The following FRMPD2 variants were observed in gnomAD, a reference collection of about 807,000 sequenced individuals.
FRMPD2 encodes the protein FERM and PDZ domain containing 2, also known as FERM and PDZ domain-containing protein 2.
FRMPD2 carries 96 observed loss-of-function variants against 140.1 expected under a neutral mutation model. The ratio of observed to expected loss-of-function variants is 0.69; its 90% CI spans 0.58 to 0.81. The LOEUF is 0.81. Among genes scored for constraint, FRMPD2 ranks in the 40% least tolerant of loss-of-function variants. FRMPD2 has a pLI of 0.00. For synonymous variants in FRMPD2, 449 were observed against 547.6 expected (o/e 0.82, Z 2.52); for missense variants, 1,240 against 1,447.4 (o/e 0.86, Z 2.32).
chr10:48,231,572 T>C (rs1474110563), intron 10 of FRMPD2, among the ~76,000 whole-genome samples: 1 of 152,202 alleles, frequency 6.6e-6, no homozygotes, highest in African/African-American at 2.4e-5. Flanking sequence ...GCATCTATAG[T>C]TCACTATGGC....
At position 48,164,362 on chromosome 10, in the gene FRMPD2, C is replaced by T. The variant is rs1479373703; in HGVS notation, c.3538-691G>A. ...TCTTTTGAGCCAGTTTTAACATCTGCCTGGTTCCCTCACTGAATGAGTTAA... is the reference window on the plus strand; with the variant it reads ...TCTTTTGAGCCAGTTTTAACATCTGTCTGGTTCCCTCACTGAATGAGTTAA... On this transcript the variant is annotated intron_variant, in intron 27 of 28. Coordinates refer to ENST00000374201, the MANE Select transcript of FRMPD2 (RefSeq NM_001018071.4). Among the ~76,000 whole-genome samples, 19 of 151,330 alleles carry T rather than the reference C, an allele frequency of 1.3e-4. No individual in the cohort carries two copies. The South Asian group carries it at 3.9e-3, about 31-fold the overall frequency.
chr10:48,253,246 T>A (rs1840427290), intron 1 of FRMPD2, among the ~76,000 whole-genome samples: 1 of 152,236 alleles, frequency 6.6e-6, no homozygotes, highest in African/African-American at 2.4e-5. Context: ...TCTGGATCCA[T>A]CATGGAAAAA....
At chr10:48,211,701 A>G (rs1423864578) in intron 13 of FRMPD2, among the ~76,000 whole-genome samples, 1 of 152,080 alleles carries the variant, frequency 6.6e-6, no homozygotes, top group Non-Finnish European at 1.5e-5. Context: ...ATAAATAAAT[A>G]AAATAAAAAA....
chr10:48,273,878 G>T (rs1840810707), intron 1 of FRMPD2, among the ~76,000 whole-genome samples: 1 of 148,484 alleles, frequency 6.7e-6, no homozygotes, highest in African/African-American at 2.5e-5. Context: ...GAACTCAATT[G>T]TTGCTTTAAA....
At position 48,157,537 on chromosome 10, in the gene FRMPD2, AC is replaced by A. The variant is rs530643316; in HGVS notation, c.3882-168del. Among the ~76,000 whole-genome samples, 409 of 143,438 alleles carry A rather than the reference AC, an allele frequency of 2.9e-3. 7 individuals are homozygous for A. The highest frequency in any genetic ancestry group is 3.9e-3 in the Non-Finnish European group (255 of 65,320). 94.1% of individuals were successfully genotyped at this position (143,438 alleles called of 152,430 possible). On this transcript the variant is annotated intron_variant, in intron 28 of 28. Transcript: ENST00000374201. Reference sequence around the variant, plus strand: ...TTGGCTCTGGTGCACCCCAATAGCTACAAACCCTTAGATACCCAGAGAGCAC... The same window carrying A: ...TTGGCTCTGGTGCACCCCAATAGCTAAAACCCTTAGATACCCAGAGAGCAC...
chr10:48,231,771 AG>A (rs1839852899), intron 10 of FRMPD2, among the ~76,000 whole-genome samples: 1 of 152,192 alleles, frequency 6.6e-6, no homozygotes, highest in Non-Finnish European at 1.5e-5. Flanking sequence ...ATTAGCTCCT[AG>A]GGTCAGGGTA....
chr10:48,189,409 G>A (rs1000010349), intron 16 of FRMPD2, among the ~76,000 whole-genome samples: 11 of 152,218 alleles, frequency 7.2e-5, no homozygotes, highest in African/African-American at 2.2e-4. Flanking sequence ...TGTACCTCAC[G>A]GCAGGCAGCC....
At chr10:48,236,644 A>G in intron 8 of FRMPD2, 91 bp from the exon 9 acceptor site, 1 of 1,153,760 alleles carries the variant, frequency 8.7e-7, no homozygotes, top group Non-Finnish European at 1.3e-6. Flanking sequence ...TGCAGCCCCC[A>G]CCAGCATACA....
In FRMPD2 at chr10:48,192,792, AAC is replaced by A; in HGVS notation, c.2055_2056del (p.Glu685AspfsTer20). ...AGCACCCTGAAGCCTGGATACAAAC[AAC>A]TCGTTTTCTGAGCATGACAATCTCT... On this transcript the variant is annotated frameshift_variant, in exon 16 of 29. Coordinates refer to ENST00000374201, the MANE Select transcript of FRMPD2 (RefSeq NM_001018071.4). LOFTEE classifies it high-confidence loss of function. The A allele has an allele frequency of 1.2e-6, 2 of 1,614,124 alleles. No homozygotes were observed. Among genetic ancestry groups the A allele is most frequent in the Non-Finnish European group, 1.7e-6 (2 of 1,180,012 alleles).
Position 48,201,266 on chromosome 10 carries a change from G to A in FRMPD2, c.1916C>T (p.Ala639Val), listed in dbSNP as rs1839078967. Residue 639 changes from alanine to valine, a missense_variant, in exon 15 of 29, where the codon GCA (alanine) becomes GTA (valine). Coordinates refer to ENST00000374201, the MANE Select transcript of FRMPD2 (RefSeq NM_001018071.4). ...DLCSAQHGFN[A>V]QMGSGQPSHV... ...GGAAGGCTGCCCAGAGCCCATCTGT[G>A]CATTAAACCCATGCTGGGCTGAGCA... 1.2e-6 allele frequency: 2 copies of A among 1,613,444 alleles called. No individual in the cohort carries two copies. Among genetic ancestry groups the A allele is most frequent in the Non-Finnish European group, 8.5e-7 (1 of 1,179,698 alleles).
intron 1 of FRMPD2, among the ~76,000 whole-genome samples, chr10:48,270,702 C>G (rs1750033911): frequency 6.6e-6 from 1 of 151,924 alleles, no homozygotes; most frequent in East Asian, 1.9e-4. Flanking sequence ...ACCTTCCCCC[C>G]ACCTCCTCCT....
chr10:48,237,687 G>A (rs1312694073), intron 8 of FRMPD2, among the ~76,000 whole-genome samples: 1 of 152,052 alleles, frequency 6.6e-6, no homozygotes, highest in Non-Finnish European at 1.5e-5. Flanking sequence ...GTCAGTTCTC[G>A]AATCATGTAG....
intron 12 of FRMPD2, among the ~76,000 whole-genome samples, chr10:48,219,691 A>G (rs1045095590): frequency 6.6e-5 from 10 of 152,214 alleles, no homozygotes; most frequent in African/African-American, 2.4e-4. Flanking sequence ...AGGTAGGTAA[A>G]TACATTAGCA....
intron 22 of FRMPD2, chr10:48,176,161 T>G: frequency 2.1e-6 from 1 of 480,506 alleles, no homozygotes. Context: ...ATGTGAGAGA[T>G]CTGGGCATGT....
At chr10:48,224,708 C>T (rs1839684319) in intron 10 of FRMPD2, among the ~76,000 whole-genome samples, 1 of 152,212 alleles carries the variant, frequency 6.6e-6, no homozygotes. Context: ...ATGACCCTAG[C>T]TAGGCAGGTG....
Position 48,194,170 on chromosome 10 carries a change from C to T in FRMPD2, c.1955-1276G>A, listed in dbSNP as rs896863046. On this transcript the variant is annotated intron_variant, in intron 15 of 28. Coordinates refer to ENST00000374201, the MANE Select transcript of FRMPD2 (RefSeq NM_001018071.4). Reference sequence around the variant, plus strand: ...CCAGGCGTGGTGGGAAGCACATTATCTGCATTGTCTCATTTAATCCTCACA... The same window carrying T: ...CCAGGCGTGGTGGGAAGCACATTATTTGCATTGTCTCATTTAATCCTCACA... Among the ~76,000 whole-genome samples, 12 of 152,332 alleles carry T rather than the reference C, an allele frequency of 7.9e-5. No individual in the cohort carries two copies. The East Asian group carries it at 2.1e-3, about 27-fold the overall frequency.
Position 48,242,121 on chromosome 10 carries a change from A to ACCAGCAG in FRMPD2, c.567+33_567+39dup, listed in dbSNP as rs554849065. 4.2e-5 allele frequency: 59 copies of ACCAGCAG among 1,417,258 alleles called. No individual in the cohort carries two copies. In the South Asian group the frequency reaches 7.8e-4, roughly 19 times the overall value. 87.8% of individuals were successfully genotyped at this position (1,417,258 alleles called of 1,614,324 possible). On this transcript the variant is annotated intron_variant, in intron 5 of 28. Transcript: ENST00000374201. ...ATTCAAATTTTAATAGCCACACATGACCAGCAGCTACTGCTTGAAAAGCAC... is the reference window on the plus strand; with the variant it reads ...ATTCAAATTTTAATAGCCACACATGACCAGCAGCCAGCAGCTACTGCTTGAAAAGCAC...
chr10:48,244,427 C>T (rs1840197547), intron 4 of FRMPD2, among the ~76,000 whole-genome samples: 1 of 152,204 alleles, frequency 6.6e-6, no homozygotes, highest in Admixed American at 6.5e-5. Context: ...AAGCATCTCA[C>T]TTTGGGAAGG....
At chr10:48,270,256 G>A (rs1051715105) in intron 1 of FRMPD2, among the ~76,000 whole-genome samples, 1 of 152,102 alleles carries the variant, frequency 6.6e-6, no homozygotes, top group Admixed American at 6.6e-5. Flanking sequence ...GATGATGAGC[G>A]CTCAGTGCCC....
Sources: gnomAD v4.1 joint callset for allele counts (sites outside exome capture counted in the v4.1 genomes callset) on GRCh38, gnomAD v4.1.1 for gene constraint, MANE v1.5 for transcripts, NCBI Gene and HGNC (gene_info 2026-07-23, HGNC 2026-07-21) for gene names.